The following SPMIP6 variants were observed in gnomAD, a reference collection of about 807,000 sequenced individuals.
SPMIP6 encodes the protein ciliated bronchial epithelial protein 1.
At chr9:34,386,413 G>A in the SPMIP6 span, among the ~76,000 whole-genome samples, 1 of 151,966 alleles carries the variant, frequency 6.6e-6, no homozygotes, top group East Asian at 1.9e-4. Flanking sequence ...GGCTAACATG[G>A]TGAAATCCCG....
At chr9:34,388,708 C>T in the SPMIP6 span, among the ~76,000 whole-genome samples, 10 of 152,196 alleles carry the variant, frequency 6.6e-5, no homozygotes, top group Middle Eastern at 3.4e-3. Flanking sequence ...TTCTCACTCT[C>T]CTTGTGAGTT....
the SPMIP6 span, among the ~76,000 whole-genome samples, chr9:34,380,447 CG>C: frequency 6.6e-6 from 1 of 152,146 alleles, no homozygotes; most frequent in Non-Finnish European, 1.5e-5. Context: ...CCGACGGTGA[CG>C]GGGGACCAGC....
chr9:34,380,867 C>T, the SPMIP6 span: 1 of 1,538,174 alleles, frequency 6.5e-7, no homozygotes, highest in Non-Finnish European at 8.7e-7. Flanking sequence ...TGGGGTGGAG[C>T]CCGGCTGAGG....
At chr9:34,388,996 A>G in the SPMIP6 span, among the ~76,000 whole-genome samples, 1 of 147,996 alleles carries the variant, frequency 6.8e-6, no homozygotes, top group African/African-American at 2.5e-5. Flanking sequence ...CAGTGGCACA[A>G]TCACAGTTCA....
chr9:34,384,190 A>G, the SPMIP6 span, among the ~76,000 whole-genome samples: 1 of 152,250 alleles, frequency 6.6e-6, no homozygotes, highest in Non-Finnish European at 1.5e-5. Context: ...CATCCAGATC[A>G]AGATGACTAT....
At chr9:34,379,646 C>T in the SPMIP6 span, 1 of 1,613,830 alleles carries the variant, frequency 6.2e-7, no homozygotes. The surrounding 1 kb of genome is among the most constrained non-coding windows in gnomAD (Gnocchi z 4.2). Context: ...TTAGACTTAC[C>T]TAAGGTTCGG....
At chr9:34,397,496 T>TAG in the SPMIP6 span, 1 of 1,614,028 alleles carries the variant, frequency 6.2e-7, no homozygotes, top group Non-Finnish European at 8.5e-7. Flanking sequence ...ATCTCCCACT[T>TAG]ACCGGAGTCA....
the SPMIP6 span, chr9:34,379,081 A>G: frequency 1.3e-6 from 2 of 1,595,922 alleles, no homozygotes; most frequent in African/African-American, 1.3e-5. This position sits in a 1 kb window ranked among gnomAD's most constrained non-coding sequence, Gnocchi z 4.2. Context: ...AGGCTCTACC[A>G]GCAACGATAG....
chr9:34,394,068 T>TGTC, the SPMIP6 span, among the ~76,000 whole-genome samples: 1 of 152,236 alleles, frequency 6.6e-6, no homozygotes, highest in South Asian at 2.1e-4. Context: ...GTGATCTTCC[T>TGTC]GTCTCAGCCT....
At chr9:34,391,998 CT>C in the SPMIP6 span, among the ~76,000 whole-genome samples, 1 of 151,940 alleles carries the variant, frequency 6.6e-6, no homozygotes, top group Non-Finnish European at 1.5e-5. Flanking sequence ...TCTGGTAATT[CT>C]TTATTTTTAT....
the SPMIP6 span, among the ~76,000 whole-genome samples, chr9:34,392,442 C>CGTGTGTGTGTGT: frequency 0.054 from 7,976 of 148,096 alleles, 240 homozygotes; most frequent in Non-Finnish European, 0.065. The surrounding 1 kb of genome is among the most constrained non-coding windows in gnomAD (Gnocchi z 4.6). Flanking sequence ...ATCTAAAAAC[C>CGTGTGTGTGTGT]GTGTGTGTGT....
At chr9:34,385,254 G>T in the SPMIP6 span, among the ~76,000 whole-genome samples, 1 of 152,138 alleles carries the variant, frequency 6.6e-6, no homozygotes, top group African/African-American at 2.4e-5. Flanking sequence ...GATGGAGGCT[G>T]GGCATGGTGG....
the SPMIP6 span, among the ~76,000 whole-genome samples, chr9:34,379,467 T>TA: frequency 6.6e-6 from 1 of 152,146 alleles, no homozygotes; most frequent in African/African-American, 2.4e-5. This position sits in a 1 kb window ranked among gnomAD's most constrained non-coding sequence, Gnocchi z 4.2. Flanking sequence ...AGCCCTCTCT[T>TA]AAGGTCCTCT....
the SPMIP6 span, among the ~76,000 whole-genome samples, chr9:34,385,235 T>C: frequency 2.0e-5 from 3 of 151,534 alleles, no homozygotes; most frequent in Admixed American, 1.3e-4. Flanking sequence ...AAAGTTGACA[T>C]AGAATCAGGA....
chr9:34,397,460 A>G, the SPMIP6 span: 1 of 1,610,918 alleles, frequency 6.2e-7, no homozygotes, highest in Non-Finnish European at 8.5e-7. Flanking sequence ...GACTGGCCAT[A>G]CACTCTGGCC....
At chr9:34,381,276 CT>C in the SPMIP6 span, 1 of 1,598,606 alleles carries the variant, frequency 6.3e-7, no homozygotes, top group Non-Finnish European at 8.6e-7. This position sits in a 1 kb window ranked among gnomAD's most constrained non-coding sequence, Gnocchi z 4.4. Context: ...CCTCGGCCTC[CT>C]CCCCGTCCTT....
At chr9:34,392,999 C>T in the SPMIP6 span, among the ~76,000 whole-genome samples, 3 of 152,186 alleles carry the variant, frequency 2.0e-5, no homozygotes, top group African/African-American at 4.8e-5. This position sits in a 1 kb window ranked among gnomAD's most constrained non-coding sequence, Gnocchi z 4.6. Context: ...TGGTACCCCA[C>T]GTCAATCTTC....
the SPMIP6 span, among the ~76,000 whole-genome samples, chr9:34,394,721 G>A: frequency 1.8e-4 from 27 of 152,096 alleles, no homozygotes; most frequent in Admixed American, 1.8e-3. Flanking sequence ...AGTTTGGAAT[G>A]TACAGATTTA....
chr9:34,397,620 G>A, the SPMIP6 span: 1 of 1,606,722 alleles, frequency 6.2e-7, no homozygotes, highest in Non-Finnish European at 8.5e-7. Flanking sequence ...GGTCTTACGG[G>A]AGAACAGGAA....
Sources: gnomAD v4.1 joint callset for allele counts (sites outside exome capture counted in the v4.1 genomes callset) on GRCh38, gnomAD v4.1.1 for gene constraint, Gnocchi (gnomAD v3.1) non-coding constraint, MANE v1.5 for transcripts, NCBI Gene and HGNC (gene_info 2026-07-23, HGNC 2026-07-21) for gene names.